Variants in WDR59 observed in about 807,000 individuals in gnomAD.
The protein encoded by WDR59 is GATOR2 complex protein WDR59.
WDR59 carries 100 observed loss-of-function variants against 131.2 expected under a neutral mutation model. The ratio of observed to expected loss-of-function variants is 0.76; its 90% CI spans 0.65 to 0.90. The LOEUF (loss-of-function observed/expected upper bound fraction) is 0.90, where lower values mean the gene tolerates loss of function less well. WDR59 is among the 40% of genes least tolerant of loss of function. WDR59 has a pLI of 0.00. For synonymous variants in WDR59, 601 were observed against 466.2 expected (o/e 1.29, Z -3.72); for missense variants, 1,203 against 1,262.2 (o/e 0.95, Z 0.71).
At chr16:74,878,534 T>C (rs1477116411) in intron 25 of WDR59, among the ~76,000 whole-genome samples, 1 of 151,986 alleles carries the variant, frequency 6.6e-6, no homozygotes, top group Non-Finnish European at 1.5e-5. Context: ...ACACCTGTAA[T>C]ACCTGGAAGG....
intron 3 of WDR59, 59 bp downstream of exon 3, chr16:74,956,416 C>T (rs2145160971): frequency 6.3e-7 from 1 of 1,587,656 alleles, no homozygotes; most frequent in Non-Finnish European, 8.6e-7. Context: ...GGGCATAGAT[C>T]TGCCAGCCCC....
chr16:74,967,861 A>C (rs1391068987), intron 1 of WDR59, among the ~76,000 whole-genome samples: 2 of 149,264 alleles, frequency 1.3e-5, no homozygotes, highest in Non-Finnish European at 3.0e-5. Flanking sequence ...CGGTCTCAAA[A>C]AAAAAAAAAA....
intron 7 of WDR59, among the ~76,000 whole-genome samples, chr16:74,939,088 G>C (rs957312759): frequency 6.6e-6 from 1 of 151,824 alleles, no homozygotes; most frequent in Non-Finnish European, 1.5e-5. Context: ...AGCACTTTGG[G>C]AGGCCAAGGT....
chr16:74,938,333 G>C (rs1229110448), intron 7 of WDR59, 67 bp from the exon 8 acceptor site: 3 of 1,126,798 alleles, frequency 2.7e-6, no homozygotes, highest in East Asian at 2.8e-5. Context: ...TCACGTAAAA[G>C]TCTGCTAGGT....
intron 22 of WDR59, 50 bp downstream of exon 22, chr16:74,888,117 CAA>C (rs35324656): frequency 0.18 from 212,069 of 1,173,024 alleles, 51 homozygotes; most frequent in East Asian, 0.23. Context: ...AACTCCGTCT[CAA>C]AAAAAAAAAA....
intron 13 of WDR59, among the ~76,000 whole-genome samples, chr16:74,914,191 G>A (rs539218650): frequency 7.9e-5 from 12 of 152,148 alleles, no homozygotes; most frequent in South Asian, 4.2e-4. Context: ...CAGTCTGAGC[G>A]GACAGAGCAA....
chr16:74,956,660 G>T, intron 2 of WDR59, 50 bp from the exon 3 acceptor site: 1 of 1,583,214 alleles, frequency 6.3e-7, no homozygotes. Context: ...AACATCATTA[G>T]CATTAAGATA....
Position 74,892,560 on chromosome 16 carries a change from T to A in WDR59, c.2006A>T (p.Asn669Ile). ...ACATGTTTCCTGAATATCATTCACA[T>A]TCAATCTGAAATTTTTTAAAAAGAA... ...HKSLGELYIL[N>I]VNDIQETCQK... Residue 669 changes from asparagine to isoleucine, a missense_variant, in exon 20 of 26, where the codon AAT becomes ATT. Asn to Ile is a moderately radical substitution (Grantham distance 149, BLOSUM62 -3). Transcript: ENST00000262144. 1 of 1,613,122 alleles carries A rather than the reference T, an allele frequency of 6.2e-7. No homozygotes were observed. The highest frequency in any genetic ancestry group is 1.3e-5 in the African/African-American group (1 of 75,044).
chr16:74,931,847 C>A (rs1166115932), intron 8 of WDR59, among the ~76,000 whole-genome samples: 1 of 151,750 alleles, frequency 6.6e-6, no homozygotes, highest in Non-Finnish European at 1.5e-5. Context: ...GTATTCCAGC[C>A]TGGGTAACAG....
intron 1 of WDR59, among the ~76,000 whole-genome samples, chr16:74,970,671 C>G (rs1404514255): frequency 6.6e-6 from 1 of 152,126 alleles, no homozygotes; most frequent in Non-Finnish European, 1.5e-5. Flanking sequence ...TGATGAGCCC[C>G]TGCTGAGCAT....
At chr16:74,967,868 A>C (rs2033836241) in intron 1 of WDR59, among the ~76,000 whole-genome samples, 1 of 152,014 alleles carries the variant, frequency 6.6e-6, no homozygotes, top group Non-Finnish European at 1.5e-5. Flanking sequence ...AAAAAAAAAA[A>C]AAAAAAAGAT....
At chr16:74,928,664 G>T (rs1440827674) in intron 8 of WDR59, among the ~76,000 whole-genome samples, 1 of 152,106 alleles carries the variant, frequency 6.6e-6, no homozygotes, top group Non-Finnish European at 1.5e-5. Context: ...CACTTTGGGA[G>T]GCCAAGGCGG....
At chr16:74,933,823 G>T (rs59013581) in intron 8 of WDR59, among the ~76,000 whole-genome samples, 2,405 of 152,282 alleles carry the variant, frequency 0.016, 54 homozygotes, top group African/African-American at 0.055. Flanking sequence ...GACCTCAGGC[G>T]ATCCACCCGC....
At chr16:74,879,454 TG>T (rs1964377829) in intron 25 of WDR59, among the ~76,000 whole-genome samples, 2 of 152,218 alleles carry the variant, frequency 1.3e-5, no homozygotes, top group African/African-American at 4.8e-5. Context: ...TAGGACTTTT[TG>T]GTTCAGAAGC....
At chr16:74,963,186 G>A (rs1226412304) in intron 2 of WDR59, 1 of 152,172 alleles carries the variant, frequency 6.6e-6, no homozygotes, top group Non-Finnish European at 1.5e-5. Flanking sequence ...CCGGGAGGCA[G>A]AGGTTGTAGT....
intron 7 of WDR59, among the ~76,000 whole-genome samples, chr16:74,939,160 C>T (rs1275369443): frequency 6.6e-6 from 1 of 151,186 alleles, no homozygotes; most frequent in Non-Finnish European, 1.5e-5. Context: ...AAGCTGGTCT[C>T]GAACTCCTGG....
At chr16:74,917,666 G>T (rs189233882) in intron 11 of WDR59, among the ~76,000 whole-genome samples, 7 of 151,864 alleles carry the variant, frequency 4.6e-5, no homozygotes, top group Non-Finnish European at 5.9e-5. Flanking sequence ...AAAATTAGCC[G>T]AGTGTGTTGG....
chr16:74,925,860 C>T (rs2030736417), intron 8 of WDR59, among the ~76,000 whole-genome samples: 1 of 151,964 alleles, frequency 6.6e-6, no homozygotes, highest in African/African-American at 2.4e-5. Flanking sequence ...AAGACCCTGT[C>T]TCCTCACCTA....
chr16:74,928,605 T>C (rs188156376), intron 8 of WDR59, among the ~76,000 whole-genome samples: 1 of 152,024 alleles, frequency 6.6e-6, no homozygotes, highest in Non-Finnish European at 1.5e-5. Flanking sequence ...AGTTTTATGT[T>C]AAAATACTCC....
Sources: gnomAD v4.1 joint callset for allele counts (sites outside exome capture counted in the v4.1 genomes callset) on GRCh38, gnomAD v4.1.1 for gene constraint, MANE v1.5 for transcripts, NCBI Gene and HGNC (gene_info 2026-07-23, HGNC 2026-07-21) for gene names.